The following DNASE1 variants were observed in gnomAD, a reference collection of about 807,000 sequenced individuals.
DNASE1 encodes deoxyribonuclease 1.
In DNASE1, 40 loss-of-function variants were observed where a neutral mutation model predicts 33.9. The ratio of observed to expected loss-of-function variants is 1.18; its 90% CI spans 0.92 to 1.54. DNASE1 has a LOEUF of 1.54. DNASE1 is among the 40% of genes most tolerant of loss of function. DNASE1 has a pLI of 0.00. For synonymous variants in DNASE1, 216 were observed against 160.0 expected (o/e 1.35, Z -2.64); for missense variants, 518 against 372.6 (o/e 1.39, Z -3.21).
intron 1 of DNASE1, among the ~76,000 whole-genome samples, chr16:3,612,666 C>T (rs1210361365): frequency 1.3e-5 from 2 of 151,714 alleles, no homozygotes; most frequent in African/African-American, 2.4e-5. Flanking sequence ...GCCTCGGCCT[C>T]CCAAAGCGCT....
chr16:3,641,229 C>G, upstream of DNASE1: 1 of 339,338 alleles, frequency 2.9e-6, no homozygotes, highest in Non-Finnish European at 5.3e-6. Context: ...AGGAAGCCGC[C>G]TTGGCAAGGT....
intron 4 of DNASE1, 32 bp downstream of exon 4, chr16:3,656,217 C>T (rs746366279): frequency 6.2e-7 from 1 of 1,608,062 alleles, no homozygotes; most frequent in East Asian, 2.2e-5. Context: ...GAAGCCCCTC[C>T]CTCACCTGGG....
At chr16:3,656,831 C>A in intron 5 of DNASE1, 78 bp downstream of exon 5, 1 of 1,543,270 alleles carries the variant, frequency 6.5e-7, no homozygotes, top group Non-Finnish European at 8.8e-7. Context: ...CCTGGAATGC[C>A]TGTGTCACAC....
intron 1 of DNASE1, among the ~76,000 whole-genome samples, chr16:3,644,256 C>G (rs1401351254): frequency 6.6e-6 from 1 of 152,052 alleles, no homozygotes; most frequent in Admixed American, 6.5e-5. Context: ...AAGACCTTGT[C>G]TCTACTAAAA....
downstream of DNASE1, chr16:3,662,225 G>A (rs906301781): frequency 1.0e-5 from 15 of 1,480,124 alleles, no homozygotes; most frequent in African/African-American, 2.8e-5. Flanking sequence ...CCCAGACCAC[G>A]AGGTAGCAGG....
chr16:3,641,637 T>TG (rs2042025603), upstream of DNASE1, among the ~76,000 whole-genome samples: 1 of 152,180 alleles, frequency 6.6e-6, no homozygotes, highest in South Asian at 2.1e-4. Flanking sequence ...AAACACGAAG[T>TG]GCTTTCTGCA....
chr16:3,657,223 A>G lies in DNASE1; in HGVS notation c.586A>G (p.Ser196Gly). The change falls in exon 7 of 9, where the codon AGC becomes GGC. Residue 196 changes from serine to glycine, a missense_variant. By Grantham distance (56) the Ser-to-Gly change is moderately conservative. Transcript: ENST00000246949. The part of the protein sequence containing the change: ...MLMGDFNAGC[S>G]YVRPSQWSSI... ...GATGGGCGACTTCAATGCGGGCTGC[A>G]GCTATGTGAGACCCTCCCAGTGGTC... The G allele has an allele frequency of 6.2e-7, 1 of 1,614,018 alleles. No individual in the cohort carries two copies. The highest frequency in any genetic ancestry group is 8.5e-7 in the Non-Finnish European group (1 of 1,180,012).
chr16:3,657,058 A>ATCGACGCTCTCTATG lies in DNASE1; in HGVS notation c.497_511dup (p.Tyr170_Asp171insValAspAlaLeuTyr), dbSNP rs766818831. On this transcript the variant is annotated inframe_insertion, in exon 6 of 9. Transcript: ENST00000246949. ...GGCCCCGGGGGACGCAGTAGCCGAG[A>ATCGACGCTCTCTATG]TCGACGCTCTCTATGACGTCTACCT... is the stretch of plus-strand genomic sequence containing the variant. The ATCGACGCTCTCTATG allele has an allele frequency of 6.2e-7, 1 of 1,613,932 alleles. No individual in the cohort carries two copies. The highest frequency in any genetic ancestry group is 2.2e-5 in the East Asian group (1 of 44,880).
chr16:3,655,707 G>A (rs1025304626), intron 2 of DNASE1, 142 bp from the exon 3 acceptor site: 8 of 1,373,440 alleles, frequency 5.8e-6, no homozygotes, highest in Non-Finnish European at 2.0e-6. Context: ...GTCCCTGGCT[G>A]GCAGCAGGAG....
chr16:3,662,911 C>T (rs770010537), downstream of DNASE1: 23 of 1,613,332 alleles, frequency 1.4e-5, no homozygotes, highest in Non-Finnish European at 1.9e-5. Flanking sequence ...GACCCCAGCA[C>T]ATTTCTCATC....
chr16:3,661,958 G>A, downstream of DNASE1: 8 of 1,570,246 alleles, frequency 5.1e-6, no homozygotes, highest in Non-Finnish European at 6.9e-6. Context: ...GAATCCCACA[G>A]GCTGGAAGAG....
rs141673463 is a variant in DNASE1 at position 3,655,449 on chromosome 16, G to A, written c.76G>A (p.Ala26Thr). 72 of 1,614,132 alleles carry A rather than the reference G, an allele frequency of 4.5e-5. No individual in the cohort carries two copies. Among genetic ancestry groups the A allele is most frequent in the Non-Finnish European group, 5.6e-5 (66 of 1,180,040 alleles). ...LLQGAVSLKIAAFNIQTFGET... is the reference protein window; with the variant it reads ...LLQGAVSLKITAFNIQTFGET... ...GCAGGGGGCCGTGTCCCTGAAGATC[G>A]CAGCCTTCAACATCCAGACATTTGG... The change falls in exon 2 of 9, where the codon GCA becomes ACA. Residue 26 changes from alanine (A) to threonine (T), a missense_variant. Ala to Thr is a moderately conservative substitution (Grantham distance 58, BLOSUM62 0). Coordinates refer to ENST00000246949, the MANE Select transcript of DNASE1 (RefSeq NM_005223.4).
Position 3,617,326 on chromosome 16 carries a change from C to CAAAAAA in DNASE1, c.-1359+5342_-1359+5347dup, listed in dbSNP as rs56670885. 7.1e-4 allele frequency among the ~76,000 whole-genome samples: 41 copies of CAAAAAA among 57,714 alleles called. 1 individual carries two copies. Among genetic ancestry groups the CAAAAAA allele is most frequent in the African/African-American group, 1.6e-3 (21 of 12,922 alleles). The allele number at this position is 57,714 out of a possible 152,430, so 37.9% of individuals were successfully genotyped here. A position where few individuals can be genotyped will look rare whatever the true frequency, so the allele number is the denominator to read the frequency against. On this transcript the variant is annotated intron_variant and NMD_transcript_variant, in intron 1 of 11. Coordinates refer to the DNASE1 transcript ENST00000570769. The stretch of plus-strand genomic sequence containing the variant: ...AGTCAACAAGAGCGAAACTCCATCT[C>CAAAAAA]AAAAAAAAAAAAAAAAAAAAAAAAA...
rs150621329 is a variant in DNASE1 at position 3,656,715 on chromosome 16, G to A, written c.398G>A (p.Arg133Gln). ...CCCTGCGGGAACGACACCTTCAACC[G>A]AGAGCCAGCCATTGTCAGGTTCTTC... ...CEPCGNDTFNREPAIVRFFSR... is the reference protein window; with the variant it reads ...CEPCGNDTFNQEPAIVRFFSR... Residue 133 changes from arginine to glutamine, a missense_variant, in exon 5 of 9, where the codon CGA (arginine) becomes CAA (glutamine). Physicochemically the swap from Arg to Gln is conservative, Grantham distance 43 (BLOSUM62 1). Coordinates refer to ENST00000246949, the MANE Select transcript of DNASE1 (RefSeq NM_005223.4). The A allele has an allele frequency of 1.7e-5, 28 of 1,612,646 alleles. No individual in the cohort carries two copies. The highest frequency in any genetic ancestry group is 2.7e-5 in the African/African-American group (2 of 74,976).
chr16:3,656,276 T>C (rs1285507599), intron 4 of DNASE1, 91 bp downstream of exon 4: 1 of 1,378,708 alleles, frequency 7.3e-7, no homozygotes, highest in Non-Finnish European at 1.0e-6. Flanking sequence ...GTTTGTCCTA[T>C]GGCAAGAACC....
At chr16:3,653,962 T>G (rs893855973), upstream of DNASE1, 1 of 156,358 alleles carries the variant, frequency 6.4e-6, no homozygotes, top group African/African-American at 2.4e-5. Flanking sequence ...AATTTAAAAA[T>G]TAGCCAGGCA....
chr16:3,663,529 T>G (rs1567222720), exon 10 of DNASE1: 1 of 1,613,808 alleles, frequency 6.2e-7, no homozygotes, highest in South Asian at 1.1e-5. Context: ...TGCAGCAGGG[T>G]GAGCTCATCA....
downstream of DNASE1, chr16:3,660,349 G>T (rs1430216246): frequency 2.0e-5 from 3 of 152,256 alleles, no homozygotes; most frequent in East Asian, 5.8e-4. Flanking sequence ...AAATGAAAGT[G>T]AAGCTGGCTG....
chr16:3,658,632 C>T, downstream of DNASE1: 2 of 690,194 alleles, frequency 2.9e-6, no homozygotes, highest in Admixed American at 5.4e-5. Context: ...AAGATCGCGC[C>T]ACTGCACTCC....
Sources: allele counts gnomAD v4.1 joint callset (sites outside exome capture counted in the v4.1 genomes callset), GRCh38; gene constraint gnomAD v4.1.1; transcripts MANE v1.5; gene names NCBI Gene and HGNC (gene_info 2026-07-23, HGNC 2026-07-21).